PCCA: variants seen among roughly 807,000 people sequenced by gnomAD.
The protein encoded by PCCA is propionyl-CoA carboxylase alpha chain, mitochondrial.
Under a neutral mutation model 101.3 loss-of-function variants are expected in PCCA, and 74 were observed. The observed-to-expected ratio is 0.73, with a 90% CI of 0.61 to 0.89. PCCA has a LOEUF of 0.89. Ranked by LOEUF, PCCA falls within the 40% of genes least tolerant of loss-of-function variation. The pLI, the probability that PCCA is intolerant of heterozygous loss-of-function variation, is 0.00. For missense variants in PCCA, 891 were observed against 907.0 expected (o/e 0.98, Z 0.23); for synonymous variants, 294 against 313.6 (o/e 0.94, Z 0.66).
At chr13:100,401,185 T>C (rs1595756034) in intron 19 of PCCA, among the ~76,000 whole-genome samples, 1 of 152,190 alleles carries the variant, frequency 6.6e-6, no homozygotes, top group East Asian at 1.9e-4. Context: ...AGATTTTTTA[T>C]AGCTTTCTAA....
chr13:100,131,301 C>T (rs868384384), intron 4 of PCCA, among the ~76,000 whole-genome samples: 33 of 152,236 alleles, frequency 2.2e-4, no homozygotes, highest in Middle Eastern at 3.4e-3. Flanking sequence ...GTTTCTGCTG[C>T]AATTCTTCTT....
intron 12 of PCCA, chr13:100,293,291 C>T: frequency 2.1e-6 from 1 of 469,866 alleles, no homozygotes; most frequent in Non-Finnish European, 4.4e-6. Flanking sequence ...GAAGGCTATA[C>T]ACTCTAATCT....
intron 4 of PCCA, among the ~76,000 whole-genome samples, chr13:100,143,557 A>G: frequency 6.6e-6 from 1 of 151,700 alleles, no homozygotes; most frequent in South Asian, 2.1e-4. Flanking sequence ...AAAATAAAAA[A>G]AAAAAATAAA....
intron 22 of PCCA, among the ~76,000 whole-genome samples, chr13:100,526,202 G>A (rs1159065126): frequency 1.3e-5 from 2 of 152,196 alleles, no homozygotes; most frequent in African/African-American, 2.4e-5. Flanking sequence ...CCCCTGATGG[G>A]GGCCTCTGCA....
At chr13:100,186,161 G>A (rs2057250257) in intron 6 of PCCA, among the ~76,000 whole-genome samples, 1 of 152,262 alleles carries the variant, frequency 6.6e-6, no homozygotes, top group South Asian at 2.1e-4. Context: ...GTGTCTTTGT[G>A]TGGCGTTATA....
chr13:100,453,825 G>A (rs1004189847), intron 21 of PCCA, among the ~76,000 whole-genome samples: 12 of 92,138 alleles, frequency 1.3e-4, no homozygotes, highest in African/African-American at 2.7e-4. Context: ...AAAAGTCACC[G>A]GAAAAAAGGG....
chr13:100,494,265 T>G (rs528078156), intron 21 of PCCA, among the ~76,000 whole-genome samples: 1 of 152,352 alleles, frequency 6.6e-6, no homozygotes, highest in Admixed American at 6.5e-5. Flanking sequence ...GTTTGTTTAA[T>G]GGAGTAGTAG....
At chr13:100,329,966 C>A (rs2152732624) in intron 16 of PCCA, among the ~76,000 whole-genome samples, 1 of 152,306 alleles carries the variant, frequency 6.6e-6, no homozygotes, top group African/African-American at 2.4e-5. Context: ...TTCTCCATAA[C>A]AACACCCAAC....
At position 100,089,667 on chromosome 13, in the gene PCCA, A is replaced by G. The variant is rs71439649; in HGVS notation, c.105+442A>G. On this transcript the variant is annotated intron_variant, in intron 1 of 23. Coordinates refer to ENST00000376285, the MANE Select transcript of PCCA (RefSeq NM_000282.4). The stretch of plus-strand genomic sequence containing the variant: ...GGACACTGTGAACTGTTGCTTAAGT[A>G]GTGTTAGGGTTGTGAGTTTGTCTTA... Among the ~76,000 whole-genome samples the G allele has an allele frequency of 8.6e-3, 1,312 of 152,280 alleles. 10 individuals are homozygous for G. The highest frequency in any genetic ancestry group is 0.014 in the Non-Finnish European group (970 of 68,022).
At chr13:100,280,301 A>C (rs1216568028) in intron 12 of PCCA, among the ~76,000 whole-genome samples, 2 of 34,680 alleles carry the variant, frequency 5.8e-5, no homozygotes, top group East Asian at 3.8e-3. Context: ...ATCACAACAC[A>C]AGCTTTTTTT....
At chr13:100,128,946 C>G (rs1027808497) in intron 4 of PCCA, among the ~76,000 whole-genome samples, 3 of 152,164 alleles carry the variant, frequency 2.0e-5, no homozygotes, top group African/African-American at 4.8e-5. Flanking sequence ...AGATGGCATT[C>G]TCTTCCACTT....
At chr13:100,248,925 TG>T (rs1566793101) in intron 8 of PCCA, among the ~76,000 whole-genome samples, 1 of 151,948 alleles carries the variant, frequency 6.6e-6, no homozygotes, top group African/African-American at 2.4e-5. Context: ...TTTTTTTTTT[TG>T]TACTTGTAGT....
intron 16 of PCCA, among the ~76,000 whole-genome samples, chr13:100,325,474 C>T (rs1040582933): frequency 2.0e-5 from 3 of 152,036 alleles, no homozygotes; most frequent in African/African-American, 7.3e-5. Context: ...TTAAGAAAAT[C>T]ATTGAAGAGA....
intron 8 of PCCA, among the ~76,000 whole-genome samples, chr13:100,254,524 AT>A (rs910820843): frequency 6.6e-6 from 1 of 152,036 alleles, no homozygotes; most frequent in Non-Finnish European, 1.5e-5. Flanking sequence ...TTGACTAAAT[AT>A]TTTTTTCCTT....
At chr13:100,411,172 T>G (rs2078028372) in intron 19 of PCCA, among the ~76,000 whole-genome samples, 2 of 151,956 alleles carry the variant, frequency 1.3e-5, no homozygotes, top group Admixed American at 1.3e-4. Flanking sequence ...GCAGAAACCA[T>G]CTTAACCAGT....
intron 20 of PCCA, among the ~76,000 whole-genome samples, chr13:100,433,937 G>A (rs562648354): frequency 4.0e-4 from 61 of 152,336 alleles, no homozygotes; most frequent in African/African-American, 1.4e-3. Flanking sequence ...AAGGAAAGCT[G>A]TCCATTTTAA....
chr13:100,287,324 C>CTTATTGTAT (rs2064754336), intron 12 of PCCA, among the ~76,000 whole-genome samples: 2 of 151,734 alleles, frequency 1.3e-5, no homozygotes, highest in African/African-American at 4.8e-5. Flanking sequence ...TATAGATTAG[C>CTTATTGTAT]TTATTGTATT....
chr13:100,172,660 C>A (rs962741010), intron 6 of PCCA, among the ~76,000 whole-genome samples: 3 of 152,162 alleles, frequency 2.0e-5, no homozygotes, highest in Admixed American at 2.0e-4. Context: ...AGAGTACAAG[C>A]AAACAAAGTT....
At chr13:100,154,014 CAG>C (rs1278329751) in intron 4 of PCCA, among the ~76,000 whole-genome samples, 1 of 151,696 alleles carries the variant, frequency 6.6e-6, no homozygotes, top group Admixed American at 6.6e-5. Context: ...AAGACTCTAA[CAG>C]AAATACTCAG....
Sources: allele counts gnomAD v4.1 joint callset (sites outside exome capture counted in the v4.1 genomes callset), GRCh38; gene constraint gnomAD v4.1.1; transcripts MANE v1.5; gene names NCBI Gene and HGNC (gene_info 2026-07-23, HGNC 2026-07-21).